Variants in DLGAP1 observed in about 807,000 individuals in gnomAD.
The protein encoded by DLGAP1 is disks large-associated protein 1.
Under a neutral mutation model 90.8 loss-of-function variants are expected in DLGAP1, and 11 were observed. The observed-to-expected ratio is 0.12, with a 90% CI of 0.08 to 0.20. The LOEUF is 0.20. Among genes scored for constraint, DLGAP1 ranks in the 10% least tolerant of loss-of-function variants. The probability of loss-of-function intolerance (pLI) is 1.00; values close to 1 mark genes in which losing one functional copy is unlikely to be tolerated. For synonymous variants in DLGAP1, 558 were observed against 540.7 expected, an observed-to-expected ratio of 1.03 and a Z score of -0.44; for missense variants, 1,050 against 1,333.8, an observed-to-expected ratio of 0.79 and a Z score of 3.31.
chr18:3,991,240 T>G (rs889713387), intron 3 of DLGAP1, among the ~76,000 whole-genome samples: 1 of 152,192 alleles, frequency 6.6e-6, no homozygotes, highest in African/African-American at 2.4e-5. Flanking sequence ...TCTGAGATTT[T>G]ATAGTTTTTT....
chr18:4,251,349 G>T (rs2145197066), intron 1 of DLGAP1, among the ~76,000 whole-genome samples: 1 of 152,298 alleles, frequency 6.6e-6, no homozygotes, highest in East Asian at 1.9e-4. Flanking sequence ...TGACTTTACA[G>T]ATGGAAGCAC....
intron 1 of DLGAP1, among the ~76,000 whole-genome samples, chr18:4,198,593 G>A (rs895359454): frequency 1.3e-5 from 2 of 152,082 alleles, no homozygotes; most frequent in East Asian, 1.9e-4. Flanking sequence ...TTTTAATCTC[G>A]AAAATGAAAC....
intron 1 of DLGAP1, among the ~76,000 whole-genome samples, chr18:4,196,585 G>C (rs1323363611): frequency 1.3e-5 from 2 of 152,220 alleles, no homozygotes; most frequent in South Asian, 4.1e-4. Flanking sequence ...GTACACAGCA[G>C]GATGTGCTGA....
intron 1 of DLGAP1, among the ~76,000 whole-genome samples, chr18:4,308,279 A>C (rs1199767959): frequency 1.3e-5 from 2 of 152,222 alleles, no homozygotes; most frequent in African/African-American, 4.8e-5. Flanking sequence ...GCAACCATGC[A>C]GAGGTACTCT....
chr18:3,927,952 G>A (rs1304728776), intron 3 of DLGAP1, among the ~76,000 whole-genome samples: 1 of 152,132 alleles, frequency 6.6e-6, no homozygotes, highest in Non-Finnish European at 1.5e-5. Context: ...GAGATGATCT[G>A]ATATGCATAC....
Position 3,972,416 on chromosome 18 carries a change from G to C in DLGAP1, c.-73+32700C>G, listed in dbSNP as rs560789118. ...ATATATAACTCTCCCTAGTCCTCTG[G>C]TTGATTCATTCTGTCTTTTCTGTCT... On this transcript the variant is annotated intron_variant, in intron 3 of 12. Coordinates refer to ENST00000315677, the MANE Select transcript of DLGAP1 (RefSeq NM_004746.4). Among the ~76,000 whole-genome samples, 3 of 151,930 alleles carry C rather than the reference G, an allele frequency of 2.0e-5. No homozygotes were observed. In the South Asian group the frequency reaches 6.3e-4, roughly 32 times the overall value.
At chr18:4,070,760 AAG>A (rs2143459694) in intron 2 of DLGAP1, among the ~76,000 whole-genome samples, 1 of 152,284 alleles carries the variant, frequency 6.6e-6, no homozygotes, top group East Asian at 1.9e-4. Context: ...GTAAACAAGA[AAG>A]AGCTCTTTAA....
intron 1 of DLGAP1, among the ~76,000 whole-genome samples, chr18:4,156,080 A>G (rs1395735789): frequency 6.6e-6 from 1 of 152,200 alleles, no homozygotes; most frequent in Non-Finnish European, 1.5e-5. Context: ...TGACCCCAAG[A>G]TTTCTGGCCT....
At chr18:3,623,205 T>C (rs2058163737) in intron 7 of DLGAP1, among the ~76,000 whole-genome samples, 1 of 152,140 alleles carries the variant, frequency 6.6e-6, no homozygotes, top group Non-Finnish European at 1.5e-5. Flanking sequence ...GCTAAAAGCA[T>C]TGATTTAAGA....
At position 4,333,754 on chromosome 18, in the gene DLGAP1, G is replaced by A. The variant is rs576323025; in HGVS notation, c.-267+121252C>T. ...CCTGCCTCAGCCTCCCCAGTAGCTG[G>A]AACTACAGGCGCCCACCACCACGCC... On this transcript the variant is annotated intron_variant, in intron 1 of 12. Transcript: ENST00000315677. Among the ~76,000 whole-genome samples the A allele has an allele frequency of 2.7e-3, 409 of 150,748 alleles. 1 individual carries two copies. The highest frequency in any genetic ancestry group is 4.3e-3 in the Non-Finnish European group (292 of 67,770).
intron 7 of DLGAP1, among the ~76,000 whole-genome samples, chr18:3,700,449 A>G (rs2061243648): frequency 1.3e-5 from 2 of 152,100 alleles, no homozygotes; most frequent in Non-Finnish European, 2.9e-5. Flanking sequence ...TCTGTGGGCT[A>G]TACCCACTAT....
chr18:3,741,119 C>A (rs1425724120), intron 6 of DLGAP1, among the ~76,000 whole-genome samples: 1 of 129,518 alleles, frequency 7.7e-6, no homozygotes. Flanking sequence ...TCACCACCAC[C>A]ATCACCACCA....
chr18:4,247,685 G>A (rs1201980629), intron 1 of DLGAP1, among the ~76,000 whole-genome samples: 2 of 152,188 alleles, frequency 1.3e-5, no homozygotes, highest in Middle Eastern at 3.4e-3. Context: ...GCTGAGGCAG[G>A]AGAATCACTT....
At chr18:4,034,912 G>GA (rs11337288) in intron 2 of DLGAP1, among the ~76,000 whole-genome samples, 1,980 of 143,822 alleles carry the variant, frequency 0.014, 15 homozygotes, top group Non-Finnish European at 0.02. Flanking sequence ...ACCACCATTT[G>GA]AAAAAAAAAA....
intron 6 of DLGAP1, among the ~76,000 whole-genome samples, chr18:3,730,319 T>A (rs895420303): frequency 3.9e-5 from 6 of 151,994 alleles, no homozygotes; most frequent in African/African-American, 1.5e-4. Context: ...TTTAAAAAAA[T>A]TTGCTACAGA....
intron 7 of DLGAP1, among the ~76,000 whole-genome samples, chr18:3,652,358 C>T (rs1639360): frequency 0.012 from 1,804 of 152,138 alleles, 36 homozygotes; most frequent in African/African-American, 0.041. Context: ...GACAGGGTCT[C>T]GCTCTGTTGA....
intron 2 of DLGAP1, among the ~76,000 whole-genome samples, chr18:4,006,648 C>CT (rs148340836): frequency 0.015 from 2,073 of 141,296 alleles, 110 homozygotes; most frequent in Admixed American, 0.11. Context: ...CAACCCCTGG[C>CT]TTTTTTTTTT....
chr18:4,242,061 C>T (rs2078546965), intron 1 of DLGAP1, among the ~76,000 whole-genome samples: 1 of 151,974 alleles, frequency 6.6e-6, no homozygotes, highest in Non-Finnish European at 1.5e-5. Context: ...TCATGAAAAC[C>T]ATCAGGCGCC....
intron 10 of DLGAP1, among the ~76,000 whole-genome samples, chr18:3,528,091 G>A (rs2051766447): frequency 6.6e-6 from 1 of 152,044 alleles, no homozygotes; most frequent in African/African-American, 2.4e-5. Context: ...ATCTTTTCAT[G>A]ATGACTTCAA....
Sources: gnomAD v4.1 joint callset for allele counts (sites outside exome capture counted in the v4.1 genomes callset) on GRCh38, gnomAD v4.1.1 for gene constraint, MANE v1.5 for transcripts, NCBI Gene and HGNC (gene_info 2026-07-23, HGNC 2026-07-21) for gene names.